FBLN5: variants seen among roughly 807,000 people sequenced by gnomAD.
The protein encoded by FBLN5 is fibulin 5, also known as fibulin-5.
Under a neutral mutation model 61.6 loss-of-function variants are expected in FBLN5, and 24 were observed. The observed-to-expected ratio is 0.39, with a 90% CI of 0.28 to 0.55. FBLN5 has a LOEUF of 0.55. Among genes scored for constraint, FBLN5 ranks in the 20% least tolerant of loss-of-function variants. The pLI is 0.65. For missense variants in FBLN5, 470 were observed against 594.1 expected (o/e 0.79, Z 2.17); for synonymous variants, 213 against 219.8 (o/e 0.97, Z 0.27).
At chr14:91,934,247 C>T in intron 4 of FBLN5, among the ~76,000 whole-genome samples, 1 of 152,196 alleles carries the variant, frequency 6.6e-6, no homozygotes, top group Middle Eastern at 3.2e-3. Flanking sequence ...CTGACTTCAG[C>T]ACTGACTCTG....
At chr14:91,901,620 TGGAAGCTAC>T (rs1289692615) in intron 4 of FBLN5, among the ~76,000 whole-genome samples, 1 of 152,174 alleles carries the variant, frequency 6.6e-6, no homozygotes, top group Middle Eastern at 3.2e-3. Flanking sequence ...CAGCCAAGGC[TGGAAGCTAC>T]ACAGGACCTA....
intron 4 of FBLN5, among the ~76,000 whole-genome samples, 167 bp downstream of exon 4, chr14:91,936,778 AAC>A (rs1284034181): frequency 6.6e-6 from 1 of 152,244 alleles, no homozygotes; most frequent in Non-Finnish European, 1.5e-5. Context: ...GTTGGGCAGG[AAC>A]CCAGAGATAC....
At chr14:91,944,122 G>C (rs575445258) in intron 1 of FBLN5, among the ~76,000 whole-genome samples, 130 of 152,346 alleles carry the variant, frequency 8.5e-4, no homozygotes, top group Non-Finnish European at 1.5e-3. Context: ...CTGAGGTCAG[G>C]AGTTCGAGAC....
At chr14:91,889,695 T>G (rs1889898425) in intron 6 of FBLN5, among the ~76,000 whole-genome samples, 1 of 152,218 alleles carries the variant, frequency 6.6e-6, no homozygotes, top group South Asian at 2.1e-4. Context: ...GAGTCAGGAT[T>G]GCAAAAGCTC....
intron 4 of FBLN5, among the ~76,000 whole-genome samples, chr14:91,931,290 C>T (rs896594390): frequency 6.6e-6 from 1 of 152,172 alleles, no homozygotes; most frequent in Non-Finnish European, 1.5e-5. Context: ...GCTTGTGTTG[C>T]GTTTAATCTC....
At chr14:91,879,173 C>G (rs1305230832) in intron 9 of FBLN5, among the ~76,000 whole-genome samples, 1 of 152,154 alleles carries the variant, frequency 6.6e-6, no homozygotes, top group East Asian at 1.9e-4. Context: ...TCATTGTTTC[C>G]TAAAAGAAGT....
intron 4 of FBLN5, among the ~76,000 whole-genome samples, chr14:91,933,337 C>T (rs1316015540): frequency 6.6e-6 from 1 of 151,972 alleles, no homozygotes; most frequent in Non-Finnish European, 1.5e-5. Context: ...TGTAGTGGCA[C>T]GAGCTCGGCT....
intron 4 of FBLN5, among the ~76,000 whole-genome samples, chr14:91,914,351 G>C (rs529027644): frequency 6.6e-6 from 1 of 151,862 alleles, no homozygotes; most frequent in Non-Finnish European, 1.5e-5. Flanking sequence ...GGTGGCAGGC[G>C]CCTGTAGTCC....
intron 3 of FBLN5, among the ~76,000 whole-genome samples, chr14:91,937,805 T>C (rs893981876): frequency 1.3e-4 from 20 of 152,170 alleles, no homozygotes; most frequent in African/African-American, 4.6e-4. Flanking sequence ...CTTTATAAAT[T>C]ACCCAGTTTT....
Position 91,943,084 on chromosome 14 carries a change from T to C in FBLN5, c.18-123A>G, listed in dbSNP as rs1486342368. ...CCTTGGGCTTGTATGGGGTGGGGTG[T>C]GCTCCAGGGAGGTCATGGTGGTTCC... On this transcript the variant is annotated intron_variant, in intron 1 of 10. Transcript: ENST00000342058. The surrounding 1 kb of genome is among the most constrained non-coding windows in gnomAD (Gnocchi z 4.0). 4.1e-6 allele frequency: 3 copies of C among 732,976 alleles called. No homozygotes were observed. The highest frequency in any genetic ancestry group is 7.4e-6 in the Non-Finnish European group (3 of 403,770). 45.4% of individuals were successfully genotyped at this position (732,976 alleles called of 1,614,324 possible). A position where few individuals can be genotyped will look rare whatever the true frequency, so the allele number is the denominator to read the frequency against.
At chr14:91,930,446 C>T (rs1393129092) in intron 4 of FBLN5, among the ~76,000 whole-genome samples, 2 of 152,186 alleles carry the variant, frequency 1.3e-5, no homozygotes, top group East Asian at 3.9e-4. Context: ...CTGCAGAACC[C>T]CCACCTCAAT....
intron 4 of FBLN5, among the ~76,000 whole-genome samples, chr14:91,933,287 T>C (rs1950568343): frequency 6.6e-6 from 1 of 152,170 alleles, no homozygotes; most frequent in South Asian, 2.1e-4. Flanking sequence ...AATTTTTTAT[T>C]TTTTTGAGGC....
At position 91,878,571 on chromosome 14, in the gene FBLN5, A is replaced by G. The variant is rs111280503; in HGVS notation, c.990-889T>C. Among the ~76,000 whole-genome samples the G allele has an allele frequency of 6.1e-3, 931 of 152,200 alleles. 7 individuals are homozygous for G. The highest frequency in any genetic ancestry group is 0.01 in the Non-Finnish European group (689 of 68,004). ...GCTGTGTTTCTGCCACTAACTTCCA[A>G]TCTATCCACAAAACCTGTTGGTTCT... On this transcript the variant is annotated intron_variant, in intron 9 of 10. Transcript: ENST00000342058.
At chr14:91,903,088 A>G (rs1026603573) in intron 4 of FBLN5, among the ~76,000 whole-genome samples, 1 of 152,154 alleles carries the variant, frequency 6.6e-6, no homozygotes, top group African/African-American at 2.4e-5. Context: ...AAAAGTTGAA[A>G]CTATTTTTTT....
At chr14:91,926,911 T>G (rs2055839421) in intron 4 of FBLN5, among the ~76,000 whole-genome samples, 1 of 152,184 alleles carries the variant, frequency 6.6e-6, no homozygotes, top group African/African-American at 2.4e-5. Context: ...TGTCCCATCT[T>G]GTAGCTGGGA....
chr14:91,937,183 G>T lies in FBLN5; in HGVS notation c.143C>A (p.Thr48Asn). 3 of 1,614,120 alleles carry T rather than the reference G, an allele frequency of 1.9e-6. No individual in the cohort carries two copies. The highest frequency in any genetic ancestry group is 2.5e-6 in the Non-Finnish European group (3 of 1,180,026). ...GTCTCCTCGGCAGGCCTCGGGGATG[G>T]TTCGGCATTCATCAATATCTGAAAG... The part of the protein sequence containing the change: ...GQCLDIDECR[T>N]IPEACRGDMM... Residue 48 changes from threonine (T) to asparagine (N), a missense_variant, in exon 4 of 11, where the codon ACC becomes AAC. Physicochemically the swap from Thr to Asn is moderately conservative, Grantham distance 65. Transcript: ENST00000342058.
rs74071611 is a variant in FBLN5 at position 91,904,780 on chromosome 14, G to A, written c.380-9708C>T. On this transcript the variant is annotated intron_variant, in intron 4 of 10. Transcript: ENST00000342058. The stretch of plus-strand genomic sequence containing the variant: ...CCCAAAGGACCCACCTTGTAATAAC[G>A]TCACATTGTGGATAATGGGCTTCAA... Among the ~76,000 whole-genome samples, 1,143 of 152,310 alleles carry A rather than the reference G, an allele frequency of 7.5e-3. 23 individuals carry two copies. The highest frequency in any genetic ancestry group is 0.026 in the African/African-American group (1,082 of 41,554).
chr14:91,872,007 C>T (rs1888956053), intron 10 of FBLN5, among the ~76,000 whole-genome samples: 1 of 152,160 alleles, frequency 6.6e-6, no homozygotes, highest in Admixed American at 6.5e-5. Flanking sequence ...TGGCTTAACA[C>T]AATCCCCAGG....
At chr14:91,942,861 G>A (rs371468999) in intron 2 of FBLN5, 46 bp downstream of exon 2, 100 of 1,303,216 alleles carry the variant, frequency 7.7e-5, no homozygotes, top group Middle Eastern at 1.8e-4. Flanking sequence ...CCCTCACCCC[G>A]GATTTTAATA....
Sources: allele counts gnomAD v4.1 joint callset (sites outside exome capture counted in the v4.1 genomes callset), GRCh38; gene constraint gnomAD v4.1.1; non-coding constraint Gnocchi (gnomAD v3.1); transcripts MANE v1.5; gene names NCBI Gene and HGNC (gene_info 2026-07-23, HGNC 2026-07-21).